Variants in ZNF581 observed in about 807,000 individuals in gnomAD.
The protein encoded by ZNF581 is zinc finger protein 581.
Under a neutral mutation model 1.2 loss-of-function variants are expected in ZNF581, and 1 was observed. The ratio of observed to expected loss-of-function variants is 0.83; its 90% CI spans 0.30 to 3.95. The LOEUF is 3.95. Among genes scored for constraint, ZNF581 ranks in the 30% most tolerant of loss-of-function variants. The probability of loss-of-function intolerance (pLI) is 0.18; values close to 1 mark genes in which losing one functional copy is unlikely to be tolerated. For synonymous variants in ZNF581, 105 were observed against 109.2 expected, an observed-to-expected ratio of 0.96 and a Z score of 0.24; for missense variants, 273 against 274.6, an observed-to-expected ratio of 0.99 and a Z score of 0.04.
At chr19:55,640,454 C>A, upstream of ZNF581, 2 of 985,490 alleles carry the variant, frequency 2.0e-6, no homozygotes, top group Non-Finnish European at 2.4e-6. Flanking sequence ...CTGGAAATAT[C>A]ACACCTCCCC....
upstream of ZNF581, chr19:55,641,931 G>A (rs1449059888): frequency 1.5e-5 from 8 of 518,930 alleles, no homozygotes; most frequent in African/African-American, 2.1e-5. Context: ...ACCTAGAGAG[G>A]AAGTGAGGGA....
upstream of ZNF581, chr19:55,643,317 A>G (rs112535155): frequency 1.8e-5 from 7 of 388,724 alleles, no homozygotes; most frequent in South Asian, 9.4e-4. Context: ...TGACCTCTCT[A>G]AACCTTGGTT....
chr19:55,642,945 C>A (rs1256795312), upstream of ZNF581: 1 of 1,438,536 alleles, frequency 7.0e-7, no homozygotes, highest in East Asian at 2.9e-5. Context: ...CGCGCCCGCG[C>A]CGGGCCGCCG....
At chr19:55,643,185 C>T, upstream of ZNF581, 1 of 1,193,168 alleles carries the variant, frequency 8.4e-7, no homozygotes, top group Non-Finnish European at 1.1e-6. Flanking sequence ...GAGCATCATT[C>T]CTTCCTTACC....
chr19:55,641,866 A>AG (rs1054089210), upstream of ZNF581: 1 of 176,822 alleles, frequency 5.7e-6, no homozygotes, highest in Non-Finnish European at 1.1e-5. Context: ...TAGGAACAGG[A>AG]TGGAAAAGCC....
chr19:55,642,565 G>T, upstream of ZNF581: 1 of 1,457,782 alleles, frequency 6.9e-7, no homozygotes, highest in Non-Finnish European at 9.0e-7. Context: ...CGGAGGCCAT[G>T]GACCCACCGC....
upstream of ZNF581, chr19:55,642,877 C>T: frequency 6.4e-7 from 1 of 1,565,094 alleles, no homozygotes. Flanking sequence ...TCACGTGCGG[C>T]GCCTGCGGCA....
In ZNF581 at chr19:55,644,171, G is replaced by A. The variant is rs1043276919; in HGVS notation, c.-19-382G>A. Among the ~76,000 whole-genome samples the A allele has an allele frequency of 1.1e-4, 17 of 150,482 alleles. No individual in the cohort carries two copies. The highest frequency in any genetic ancestry group is 3.3e-4 in the Admixed American group (5 of 15,178). The stretch of plus-strand genomic sequence containing the variant: ...GGAAAGGCTTGAGTATGTAGCATAG[G>A]CCAACACGCAGACCCTGGAAAGGGC... On this transcript the variant is annotated intron_variant, in intron 1 of 1. Coordinates refer to ENST00000270451, the MANE Select transcript of ZNF581 (RefSeq NM_016535.4). This position sits in a 1 kb window ranked among gnomAD's most constrained non-coding sequence, Gnocchi z 4.3.
At chr19:55,640,829 G>A (rs1982410425), upstream of ZNF581, 2 of 985,444 alleles carry the variant, frequency 2.0e-6, no homozygotes, top group Admixed American at 6.1e-5. Context: ...TCAAGCGGCG[G>A]AATCGTTCCG....
upstream of ZNF581, chr19:55,643,510 C>CT (rs1982665605): frequency 2.7e-5 from 3 of 112,376 alleles, no homozygotes; most frequent in South Asian, 6.6e-4. Flanking sequence ...ACGTTGGGTG[C>CT]TGGGGGGTGG....
chr19:55,636,894 T>C (rs1400989706), upstream of ZNF581, among the ~76,000 whole-genome samples: 1 of 152,086 alleles, frequency 6.6e-6, no homozygotes, highest in Non-Finnish European at 1.5e-5. Flanking sequence ...TGGGAGAGGC[T>C]GGTGCACTGG....
chr19:55,642,821 C>A, upstream of ZNF581: 1 of 1,574,570 alleles, frequency 6.4e-7, no homozygotes, highest in East Asian at 2.3e-5. Flanking sequence ...TGCCAGCCCT[C>A]TGCGGCTGCA....
chr19:55,644,455 A>T lies in ZNF581; in HGVS notation c.-19-98A>T. ...GGGACTGAGGGGCAGCAGGATGCAG[A>T]GGTCCTGGGCCGGGTATAGGGAGGG... On this transcript the variant is annotated intron_variant, in intron 1 of 1. Transcript: ENST00000270451. The surrounding 1 kb of genome is among the most constrained non-coding windows in gnomAD (Gnocchi z 4.3). The T allele has an allele frequency of 1.4e-6, 1 of 738,222 alleles. No homozygotes were observed. The highest frequency in any genetic ancestry group is 1.9e-5 in the South Asian group (1 of 53,040). 45.7% of individuals were successfully genotyped at this position (738,222 alleles called of 1,614,324 possible).
chr19:55,638,108 C>A (rs576044086), upstream of ZNF581, among the ~76,000 whole-genome samples: 1 of 152,088 alleles, frequency 6.6e-6, no homozygotes, highest in Non-Finnish European at 1.5e-5. Flanking sequence ...CTATACAGGA[C>A]GTGTGGTCCT....
chr19:55,645,172 C>G lies in ZNF581; in HGVS notation c.*7C>G. 1 of 1,512,522 alleles carries G rather than the reference C, an allele frequency of 6.6e-7. No individual in the cohort carries two copies. Among genetic ancestry groups the G allele is most frequent in the Non-Finnish European group, 8.9e-7 (1 of 1,128,604 alleles). The allele number at this position is 1,512,522 out of a possible 1,614,324, so 93.7% of individuals were successfully genotyped here. On this transcript the variant is annotated 3_prime_UTR_variant, in exon 2 of 2. Transcript: ENST00000270451. ...GCGGTGGAAGCATCCATGAGCCGGG[C>G]TGCCGGGTGCCCCAGGTACCACAGG...
At chr19:55,640,393 G>A (rs1982379584), upstream of ZNF581, 11 of 985,476 alleles carry the variant, frequency 1.1e-5, no homozygotes, top group Non-Finnish European at 1.2e-5. Flanking sequence ...TCCCACCTCC[G>A]CATCTGGCAA....
chr19:55,641,091 G>T, upstream of ZNF581: 2 of 985,372 alleles, frequency 2.0e-6, no homozygotes, highest in Non-Finnish European at 2.4e-6. Flanking sequence ...CTGCCCGGAA[G>T]TCTCGGTTCC....
Position 55,644,660 on chromosome 19 carries a change from C to A in ZNF581, c.89C>A (p.Ser30Tyr). Reference protein sequence around the residue: ...MEGPPRRTCRSPEPGPSSSIG... With the variant: ...MEGPPRRTCRYPEPGPSSSIG... Reference sequence around the variant, plus strand: ...GGCCCTCCCCGTCGGACTTGCCGCTCCCCAGAACCTGGACCTTCCTCCTCC... The same window carrying A: ...GGCCCTCCCCGTCGGACTTGCCGCTACCCAGAACCTGGACCTTCCTCCTCC... Residue 30 changes from serine (S) to tyrosine (Y), a missense_variant, in exon 2 of 2, where the codon TCC becomes TAC. Coordinates refer to ENST00000270451, the MANE Select transcript of ZNF581 (RefSeq NM_016535.4). The surrounding 1 kb of genome is among the most constrained non-coding windows in gnomAD (Gnocchi z 4.3). The A allele has an allele frequency of 6.2e-7, 1 of 1,612,242 alleles. No homozygotes were observed. Among genetic ancestry groups the A allele is most frequent in the Non-Finnish European group, 8.5e-7 (1 of 1,179,162 alleles).
At position 55,645,232 on chromosome 19, in the gene ZNF581, C is replaced by T. The variant is rs1982783288; in HGVS notation, c.*67C>T. 1.0e-5 allele frequency: 14 copies of T among 1,382,978 alleles called. No homozygotes were observed. Among genetic ancestry groups the T allele is most frequent in the Non-Finnish European group, 1.4e-5 (14 of 1,025,806 alleles). The allele number at this position is 1,382,978 out of a possible 1,614,324, so 85.7% of individuals were successfully genotyped here. A position where few individuals can be genotyped will look rare whatever the true frequency, so the allele number is the denominator to read the frequency against. ...GGAGCCTGGACTCCTGTCCAGACAC[C>T]TGGTGAGAGCCTGAGGCTGGTGTTC... On this transcript the variant is annotated 3_prime_UTR_variant, in exon 2 of 2. Transcript: ENST00000270451.
Sources: allele counts gnomAD v4.1 joint callset (sites outside exome capture counted in the v4.1 genomes callset), GRCh38; gene constraint gnomAD v4.1.1; non-coding constraint Gnocchi (gnomAD v3.1); transcripts MANE v1.5; gene names NCBI Gene and HGNC (gene_info 2026-07-23, HGNC 2026-07-21).